CPA3: variants seen among roughly 807,000 people sequenced by gnomAD.
CPA3 encodes the protein carboxypeptidase A3.
A neutral mutation model predicts 55.8 loss-of-function variants in CPA3; 52 were observed. That is an observed-to-expected ratio of 0.93 (90% CI 0.75 to 1.17). The LOEUF is 1.17. CPA3 is among the 50% of genes most tolerant of loss of function. The probability of loss-of-function intolerance (pLI) is 0.00; values close to 1 mark genes in which losing one functional copy is unlikely to be tolerated. For missense variants in CPA3, 547 were observed against 509.1 expected, an observed-to-expected ratio of 1.07 and a Z score of -0.72; for synonymous variants, 179 against 171.2, an observed-to-expected ratio of 1.05 and a Z score of -0.36.
At chr3:148,877,667 C>T (rs1371581774) in intron 3 of CPA3, among the ~76,000 whole-genome samples, 1 of 152,148 alleles carries the variant, frequency 6.6e-6, no homozygotes, top group East Asian at 1.9e-4. Context: ...TGTTTCAACA[C>T]TTTGTACCTC....
At chr3:148,874,146 T>C (rs1042325535) in intron 3 of CPA3, among the ~76,000 whole-genome samples, 27 of 152,206 alleles carry the variant, frequency 1.8e-4, no homozygotes, top group Non-Finnish European at 2.6e-4. Flanking sequence ...TCTGATGTTC[T>C]CATGCAGCTA....
chr3:148,885,406 C>CTTTT (rs10712598), intron 9 of CPA3, among the ~76,000 whole-genome samples: 3 of 88,332 alleles, frequency 3.4e-5, no homozygotes, highest in South Asian at 4.4e-4. Context: ...ATATTTAAGT[C>CTTTT]TTTTTTTTTT....
intron 3 of CPA3, among the ~76,000 whole-genome samples, chr3:148,869,785 A>T (rs747764533): frequency 3.3e-5 from 5 of 152,110 alleles, no homozygotes; most frequent in Non-Finnish European, 7.4e-5. Context: ...TCATAAATCA[A>T]TGTGTAATTT....
At chr3:148,877,423 G>A (rs1054829268) in intron 3 of CPA3, among the ~76,000 whole-genome samples, 11 of 151,008 alleles carry the variant, frequency 7.3e-5, no homozygotes, top group Non-Finnish European at 1.6e-4. Flanking sequence ...GAACCCGGGA[G>A]GTGGAGGTTG....
intron 9 of CPA3, among the ~76,000 whole-genome samples, chr3:148,884,629 A>T (rs1308440113): frequency 3.9e-5 from 6 of 152,206 alleles, no homozygotes. Context: ...AGTCCATTGT[A>T]TTTAGCACAA....
intron 7 of CPA3, 78 bp downstream of exon 7, chr3:148,881,710 G>A (rs1335077935): frequency 2.8e-6 from 2 of 726,816 alleles, no homozygotes; most frequent in Admixed American, 3.0e-5. Context: ...ATTCAGCTTA[G>A]GGTTTAGGTA....
rs746775216 is a variant in CPA3 at position 148,865,351 on chromosome 3, C to G, written c.44C>G (p.Ala15Gly). The G allele has an allele frequency of 6.2e-7, 1 of 1,614,100 alleles. No homozygotes were observed. ...LPVGLIATTLAIAPVRFDREK... is the reference protein window; with the variant it reads ...LPVGLIATTLGIAPVRFDREK... ...GTGGGTTTGATTGCTACCACTCTTG[C>G]AATTGCTCCTGTCCGCTTTGACAGG... The change falls in exon 1 of 11, where the codon GCA becomes GGA. Residue 15 changes from alanine to glycine, a missense_variant. By Grantham distance (60) the Ala-to-Gly change is moderately conservative. Coordinates refer to ENST00000296046, the MANE Select transcript of CPA3 (RefSeq NM_001870.4).
At chr3:148,871,100 T>C (rs901672814) in intron 3 of CPA3, among the ~76,000 whole-genome samples, 11 of 152,170 alleles carry the variant, frequency 7.2e-5, no homozygotes, top group African/African-American at 2.4e-4. Flanking sequence ...GGTTTCACCA[T>C]GTTAGCCAGG....
intron 10 of CPA3, among the ~76,000 whole-genome samples, chr3:148,888,358 T>TCAAC (rs1714587317): frequency 6.6e-6 from 1 of 152,226 alleles, no homozygotes; most frequent in Admixed American, 6.5e-5. Context: ...CAATCACCTA[T>TCAAC]CAACCAGTCA....
In CPA3 at chr3:148,866,614, C is replaced by G. The variant is rs191372615; in HGVS notation, c.144+1066C>G. 4.6e-5 allele frequency among the ~76,000 whole-genome samples: 7 copies of G among 152,338 alleles called. No individual in the cohort carries two copies. The East Asian group carries it at 1.2e-3, about 25-fold the overall frequency. ...TAGCTCTGTAGCCTTAGGCAACTTA[C>G]TCAACATCTCTGGGTCTCAATTTCT... On this transcript the variant is annotated intron_variant, in intron 2 of 10. Transcript: ENST00000296046.
At chr3:148,893,180 G>A (rs1714723432) in intron 10 of CPA3, among the ~76,000 whole-genome samples, 1 of 151,524 alleles carries the variant, frequency 6.6e-6, no homozygotes, top group South Asian at 2.1e-4. Flanking sequence ...ATAATCCACA[G>A]ATGCCAACAC....
At chr3:148,873,371 A>G (rs1714120180) in intron 3 of CPA3, among the ~76,000 whole-genome samples, 1 of 121,862 alleles carries the variant, frequency 8.2e-6, no homozygotes, top group Admixed American at 8.6e-5. Context: ...GCACGCGCGC[A>G]CACGCGCACA....
intron 10 of CPA3, among the ~76,000 whole-genome samples, chr3:148,895,578 C>T (rs989245781): frequency 1.3e-5 from 2 of 152,032 alleles, no homozygotes; most frequent in East Asian, 3.8e-4. Flanking sequence ...ATTTTTGTAC[C>T]CTGCAACAAT....
rs747539518 is a variant in CPA3, at chr3:148,882,460, T to C, written c.688-45T>C. On this transcript the variant is annotated intron_variant, in intron 7 of 10. Transcript: ENST00000296046. ...AATTTGAAATGATCAAATTGAAAAA[T>C]GCAAACTGATCTTGTGTAAACACTT... 3 of 1,529,220 alleles carry C rather than the reference T, an allele frequency of 2.0e-6. No individual in the cohort carries two copies. The South Asian group carries it at 3.4e-5, about 17-fold the overall frequency. 94.7% of individuals were successfully genotyped at this position (1,529,220 alleles called of 1,614,324 possible). A position where few individuals can be genotyped will look rare whatever the true frequency, so the allele number is the denominator to read the frequency against.
Position 148,865,478 on chromosome 3 carries a change from A to AG in CPA3, c.76dup (p.Val26GlyfsTer9). The AG allele has an allele frequency of 6.2e-7, 1 of 1,613,988 alleles. No individual in the cohort carries two copies. The highest frequency in any genetic ancestry group is 1.1e-5 in the South Asian group (1 of 91,054). On this transcript the variant is annotated frameshift_variant, in exon 2 of 11. Transcript: ENST00000296046. LOFTEE classifies it high-confidence loss of function. Reference sequence around the variant, plus strand: ...TTTCATTTGCCTCCACAAAGGGAGAAGGTGTTCCGCGTGAAGCCCCAGGAT... The same window carrying AG: ...TTTCATTTGCCTCCACAAAGGGAGAAGGGTGTTCCGCGTGAAGCCCCAGGAT...
rs116684799 is a variant in CPA3, at chr3:148,886,807, T to C, written c.1066+630T>C. Among the ~76,000 whole-genome samples, 455 of 152,336 alleles carry C rather than the reference T, an allele frequency of 3.0e-3. 2 individuals carry two copies. Among genetic ancestry groups the C allele is most frequent in the African/African-American group, 0.011 (444 of 41,578 alleles). ...TTGTCTACATGTAAGTATGGTCTTT[T>C]CCCTAGCTGAAAAACAGCTAGGATA... On this transcript the variant is annotated intron_variant, in intron 10 of 10. Coordinates refer to ENST00000296046, the MANE Select transcript of CPA3 (RefSeq NM_001870.4).
At chr3:148,867,702 A>G (rs534784627) in intron 2 of CPA3, among the ~76,000 whole-genome samples, 28 of 152,264 alleles carry the variant, frequency 1.8e-4, no homozygotes, top group Admixed American at 1.2e-3. Context: ...CACTTGATTG[A>G]CCTCGAGGTA....
chr3:148,872,055 A>G (rs1714081482), intron 3 of CPA3, among the ~76,000 whole-genome samples: 1 of 148,546 alleles, frequency 6.7e-6, no homozygotes, highest in Non-Finnish European at 1.5e-5. Flanking sequence ...GGGTATATCA[A>G]CTACTATTTA....
In CPA3 at chr3:148,892,450, C is replaced by T. The variant is rs563213496; in HGVS notation, c.1067-4070C>T. On this transcript the variant is annotated intron_variant, in intron 10 of 10. Transcript: ENST00000296046. ...GGAGGATCACCTGAGAACAGGAGTCCGAGACCAGCCTGGCCAACATGGTGA... is the reference window on the plus strand; with the variant it reads ...GGAGGATCACCTGAGAACAGGAGTCTGAGACCAGCCTGGCCAACATGGTGA... Among the ~76,000 whole-genome samples the T allele has an allele frequency of 3.9e-5, 6 of 151,954 alleles. No individual in the cohort carries two copies. The South Asian group carries it at 6.2e-4, about 16-fold the overall frequency.
Sources: allele counts gnomAD v4.1 joint callset (sites outside exome capture counted in the v4.1 genomes callset), GRCh38; gene constraint gnomAD v4.1.1; transcripts MANE v1.5; gene names NCBI Gene and HGNC (gene_info 2026-07-23, HGNC 2026-07-21).